The following MYO6 variants were observed in gnomAD, a reference collection of about 807,000 sequenced individuals.
MYO6 encodes myosin VI, also known as unconventional myosin-VI.
MYO6 carries 74 observed loss-of-function variants against 178.7 expected under a neutral mutation model. That is an observed-to-expected ratio of 0.41 (90% confidence interval 0.34 to 0.50). The LOEUF (loss-of-function observed/expected upper bound fraction) is 0.50, where lower values mean the gene tolerates loss of function less well. Among genes scored for constraint, MYO6 ranks in the 20% least tolerant of loss-of-function variants. MYO6 has a pLI of 0.09. For synonymous variants in MYO6, 477 were observed against 504.6 expected, an observed-to-expected ratio of 0.95 and a Z score of 0.73; for missense variants, 1,330 against 1,547.4, an observed-to-expected ratio of 0.86 and a Z score of 2.36.
chr6:75,898,444 T>C, intron 30 of MYO6, 33 bp downstream of exon 30: 1 of 1,561,256 alleles, frequency 6.4e-7, no homozygotes, highest in South Asian at 1.1e-5. Context: ...AAATAAGTGT[T>C]CACCTCAAAA....
chr6:75,830,714 G>C (rs1443995856), intron 5 of MYO6, among the ~76,000 whole-genome samples, 169 bp downstream of exon 5: 1 of 152,088 alleles, frequency 6.6e-6, no homozygotes, highest in Admixed American at 6.6e-5. Context: ...TTTTACACAG[G>C]GTGAGGAAGA....
At position 75,820,291 on chromosome 6, in the gene MYO6, C is replaced by T. The variant is rs892414955; in HGVS notation, c.118-2491C>T. Among the ~76,000 whole-genome samples the T allele has an allele frequency of 2.0e-5, 3 of 152,202 alleles. No individual in the cohort carries two copies. In the East Asian group the frequency reaches 5.8e-4, roughly 29 times the overall value. On this transcript the variant is annotated intron_variant, in intron 2 of 34. Transcript: ENST00000369977. ...TGCAAGTATTAAGTCCTTACCATACCCCAGGTGATGTTATGTGCTTTGTGT... is the reference window on the plus strand; with the variant it reads ...TGCAAGTATTAAGTCCTTACCATACTCCAGGTGATGTTATGTGCTTTGTGT...
intron 1 of MYO6, among the ~76,000 whole-genome samples, chr6:75,814,472 C>T (rs558645053): frequency 6.6e-6 from 1 of 152,246 alleles, no homozygotes; most frequent in South Asian, 2.1e-4. Context: ...GAAGTGATTG[C>T]TGGAGCCTTC....
chr6:75,875,355 G>T (rs1015317725), intron 20 of MYO6, among the ~76,000 whole-genome samples: 2 of 152,134 alleles, frequency 1.3e-5, no homozygotes, highest in Non-Finnish European at 2.9e-5. Context: ...GCTCACTGCA[G>T]CCTCAACCTC....
At chr6:75,874,051 C>T (rs1178036385) in intron 20 of MYO6, among the ~76,000 whole-genome samples, 1 of 152,172 alleles carries the variant, frequency 6.6e-6, no homozygotes, top group African/African-American at 2.4e-5. Flanking sequence ...CTTAAACTTT[C>T]TTCTCTGACT....
chr6:75,752,266 G>A (rs1267475542), intron 1 of MYO6, among the ~76,000 whole-genome samples: 2 of 152,036 alleles, frequency 1.3e-5, no homozygotes, highest in South Asian at 2.1e-4. Flanking sequence ...TGCTGGGATT[G>A]CAGTTTCATA....
chr6:75,882,128 T>A (rs538628422), intron 23 of MYO6, among the ~76,000 whole-genome samples: 1 of 152,228 alleles, frequency 6.6e-6, no homozygotes, highest in Admixed American at 6.5e-5. Context: ...AACCAGAACT[T>A]TTCTTTCTGC....
intron 4 of MYO6, 132 bp downstream of exon 4, chr6:75,828,745 G>GT (rs1772753644): frequency 1.5e-6 from 1 of 678,572 alleles, no homozygotes; most frequent in African/African-American, 1.8e-5. Flanking sequence ...AGAGTGTGAG[G>GT]TTAGTGAGGA....
chr6:75,918,630 G>A lies in MYO6; in HGVS notation c.*3618G>A, dbSNP rs944540751. ...ATGGAAGGGTAAGATGGAGAGACTG[G>A]CAGAAGTAGCACCTACTCTGCTGGG... On this transcript the variant is annotated 3_prime_UTR_variant, in exon 35 of 35. Coordinates refer to ENST00000369977, the MANE Select transcript of MYO6 (RefSeq NM_004999.4). 3.9e-5 allele frequency: 6 copies of A among 152,164 alleles called. No homozygotes were observed. Among genetic ancestry groups the A allele is most frequent in the Non-Finnish European group, 8.8e-5 (6 of 68,032 alleles). The allele number at this position is 152,164 out of a possible 1,614,324, so 9.4% of individuals were successfully genotyped here.
intron 11 of MYO6, among the ~76,000 whole-genome samples, chr6:75,850,056 T>C (rs138578274): frequency 6.6e-6 from 1 of 152,188 alleles, no homozygotes; most frequent in Non-Finnish European, 1.5e-5. Flanking sequence ...TATAGCTTTC[T>C]TGGGGAAGAA....
At chr6:75,894,881 T>C in intron 28 of MYO6, 1 of 1,301,260 alleles carries the variant, frequency 7.7e-7, no homozygotes, top group South Asian at 1.5e-5. Flanking sequence ...TTCTGAAATA[T>C]AATTTCAATC....
chr6:75,908,675 A>G (rs1016676936), intron 32 of MYO6, 48 bp downstream of exon 32: 1 of 1,578,620 alleles, frequency 6.3e-7, no homozygotes, highest in Non-Finnish European at 8.7e-7. Flanking sequence ...TATGTATATA[A>G]ATGCATGTAT....
intron 1 of MYO6, among the ~76,000 whole-genome samples, chr6:75,804,537 G>A (rs946828551): frequency 1.3e-5 from 2 of 151,834 alleles, no homozygotes; most frequent in African/African-American, 4.8e-5. Context: ...TAAGATCCCT[G>A]AGGGCAGGGA....
intron 30 of MYO6, among the ~76,000 whole-genome samples, chr6:75,899,197 G>A (rs989331753): frequency 6.6e-6 from 1 of 152,050 alleles, no homozygotes; most frequent in Non-Finnish European, 1.5e-5. Context: ...GGAATGAAAA[G>A]TTAGGGATAT....
chr6:75,831,737 T>C (rs908831179), intron 5 of MYO6, among the ~76,000 whole-genome samples: 1 of 151,184 alleles, frequency 6.6e-6, no homozygotes, highest in African/African-American at 2.4e-5. Flanking sequence ...ATAAAAAAAA[T>C]GAAAAAATTA....
rs58162315 is a variant in MYO6, at chr6:75,754,519, C to CAAAAAAAAAA, written c.-48+5114_-48+5123dup. On this transcript the variant is annotated intron_variant, in intron 1 of 34. Coordinates refer to ENST00000369977, the MANE Select transcript of MYO6 (RefSeq NM_004999.4). ...TGGACGATTGAGTGAGACTCCGTCT[C>CAAAAAAAAAA]AAAAAAAAAAAAAAAAAAAAAAAAA... Among the ~76,000 whole-genome samples, 18 of 44,172 alleles carry CAAAAAAAAAA rather than the reference C, an allele frequency of 4.1e-4. 2 individuals carry two copies. The highest frequency in any genetic ancestry group is 9.8e-4 in the East Asian group (1 of 1,020). The allele number at this position is 44,172 out of a possible 152,430, so 29.0% of individuals were successfully genotyped here. A position where few individuals can be genotyped will look rare whatever the true frequency, so the allele number is the denominator to read the frequency against.
intron 19 of MYO6, 88 bp from the exon 20 acceptor site, chr6:75,873,119 A>T: frequency 1.0e-6 from 1 of 1,002,022 alleles, no homozygotes; most frequent in Admixed American, 1.9e-5. Flanking sequence ...GTTAATGTTA[A>T]TATGCTTTGA....
Position 75,844,950 on chromosome 6 carries a change from G to A in MYO6, c.870G>A (p.Gln290=). The A allele has an allele frequency of 6.2e-7, 1 of 1,613,302 alleles. No homozygotes were observed. Among genetic ancestry groups the A allele is most frequent in the South Asian group, 1.1e-5 (1 of 91,050 alleles). ...TTGCTAACAAAGAAACTGACAAACAGATTTTACAGAACCGCAAAAGTCCTG... is the reference window on the plus strand; with the variant it reads ...TTGCTAACAAAGAAACTGACAAACAAATTTTACAGAACCGCAAAAGTCCTG... ...RYFANKETDK[Q]ILQNRKSPEY... The change falls in exon 10 of 35, where the codon CAG becomes CAA. Residue 290 remains glutamine (Q), a synonymous_variant. Coordinates refer to ENST00000369977, the MANE Select transcript of MYO6 (RefSeq NM_004999.4).
At chr6:75,907,081 T>C (rs1780384502) in intron 30 of MYO6, among the ~76,000 whole-genome samples, 1 of 152,194 alleles carries the variant, frequency 6.6e-6, no homozygotes, top group Non-Finnish European at 1.5e-5. Context: ...ACCTATGTAC[T>C]CTGTAAACAT....
Sources: allele counts gnomAD v4.1 joint callset (sites outside exome capture counted in the v4.1 genomes callset), GRCh38; gene constraint gnomAD v4.1.1; transcripts MANE v1.5; gene names NCBI Gene and HGNC (gene_info 2026-07-23, HGNC 2026-07-21).